The following ATP10B variants were observed in gnomAD, a reference collection of about 807,000 sequenced individuals.
ATP10B encodes phospholipid-transporting ATPase VB.
In ATP10B, 122 loss-of-function variants were observed where a neutral mutation model predicts 141.2. That is an observed-to-expected ratio of 0.86 (90% confidence interval 0.75 to 1.00). The LOEUF is 1.00. ATP10B is among the 50% of genes least tolerant of loss of function. ATP10B has a pLI of 0.00. For missense variants in ATP10B, 1,876 were observed against 1,825.3 expected (o/e 1.03, Z -0.51); for synonymous variants, 685 against 692.0 (o/e 0.99, Z 0.16).
In ATP10B at chr5:160,644,065, A is replaced by G. The variant is rs1404981936; in HGVS notation, c.868+73T>C. 4 of 1,265,200 alleles carry G rather than the reference A, an allele frequency of 3.2e-6. No homozygotes were observed. The East Asian group carries it at 7.0e-5, about 22-fold the overall frequency. The allele number at this position is 1,265,200 out of a possible 1,614,324, so 78.4% of individuals were successfully genotyped here. On this transcript the variant is annotated intron_variant, in intron 9 of 25. Transcript: ENST00000327245. ...TTACTGTGAACAGTTGTTGGTTCCC[A>G]TTGACTGAAGATGGATTTGGAGGGG...
intron 1 of ATP10B, among the ~76,000 whole-genome samples, chr5:160,812,287 G>A (rs2127948622): frequency 6.6e-6 from 1 of 152,222 alleles, no homozygotes; most frequent in Non-Finnish European, 1.5e-5. Flanking sequence ...GCCTTCCCAA[G>A]GAGGATGGGT....
At chr5:160,915,739 C>T in the ATP10B span, among the ~76,000 whole-genome samples, 21 of 152,130 alleles carry the variant, frequency 1.4e-4, no homozygotes, top group Admixed American at 3.9e-4. Flanking sequence ...TTCTCTGGAG[C>T]TGTAGGGTTT....
intron 1 of ATP10B, among the ~76,000 whole-genome samples, chr5:160,848,313 T>G (rs1429832255): frequency 2.0e-5 from 3 of 152,190 alleles, no homozygotes; most frequent in African/African-American, 7.2e-5. Context: ...GGAGGCATAT[T>G]CCATTCATAA....
intron 3 of ATP10B, among the ~76,000 whole-genome samples, chr5:160,691,238 G>T (rs935255441): frequency 1.2e-4 from 18 of 152,126 alleles, no homozygotes; most frequent in South Asian, 2.1e-4. Flanking sequence ...GATAGCATTA[G>T]AAGAAATACC....
At chr5:160,693,069 A>G (rs1008067017) in intron 3 of ATP10B, among the ~76,000 whole-genome samples, 5 of 152,184 alleles carry the variant, frequency 3.3e-5, no homozygotes, top group Non-Finnish European at 7.3e-5. Flanking sequence ...GCTATTCTAT[A>G]AAACAACTGG....
At chr5:160,756,398 A>T (rs1768607897) in intron 2 of ATP10B, among the ~76,000 whole-genome samples, 1 of 152,164 alleles carries the variant, frequency 6.6e-6, no homozygotes, top group South Asian at 2.1e-4. Flanking sequence ...TTAGGAGGGC[A>T]ATGGCTTGGT....
Position 160,687,841 on chromosome 5 carries a change from G to T in ATP10B, c.234C>A (p.Leu78=). The change falls in exon 5 of 26, where the codon CTC becomes CTA. Residue 78 remains leucine, a synonymous_variant. Coordinates refer to ENST00000327245, the MANE Select transcript of ATP10B (RefSeq NM_025153.3). ...GNRTCTTKYT[L]FTFLPRNLFE... is the part of the protein sequence containing the mutation. ...AGAGATTCCGGGGCAGGAAGGTGAA[G>T]AGGGTGTATTTGGTTGTGCAGGTTC... is the stretch of plus-strand genomic sequence containing the variant. 1 of 1,614,212 alleles carries T rather than the reference G, an allele frequency of 6.2e-7. No individual in the cohort carries two copies.
chr5:160,647,007 A>C (rs911963043), intron 8 of ATP10B, among the ~76,000 whole-genome samples: 4 of 152,120 alleles, frequency 2.6e-5, no homozygotes, highest in Non-Finnish European at 5.9e-5. Context: ...TGGCAAGAAA[A>C]ATGATTCTAG....
chr5:160,856,808 A>G (rs532038635), upstream of ATP10B, among the ~76,000 whole-genome samples: 7 of 151,970 alleles, frequency 4.6e-5, no homozygotes, highest in African/African-American at 1.7e-4. Context: ...AATTTAATTA[A>G]TGCATTAATT....
intron 21 of ATP10B, 34 bp from the exon 22 acceptor site, chr5:160,599,004 C>A: frequency 6.2e-7 from 1 of 1,605,816 alleles, no homozygotes; most frequent in Non-Finnish European, 8.5e-7. Flanking sequence ...GTGAGTGGGG[C>A]TCCATGTGCA....
chr5:160,642,977 G>A (rs1386962255), intron 9 of ATP10B, among the ~76,000 whole-genome samples: 1 of 152,164 alleles, frequency 6.6e-6, no homozygotes, highest in African/African-American at 2.4e-5. Flanking sequence ...GAGAAGCAAA[G>A]CTCTAAATCT....
intron 1 of ATP10B, among the ~76,000 whole-genome samples, chr5:160,809,731 G>T (rs534766328): frequency 6.6e-6 from 1 of 152,310 alleles, no homozygotes; most frequent in African/African-American, 2.4e-5. Flanking sequence ...TGAATTGGAA[G>T]TGTTATTTCC....
the ATP10B span, among the ~76,000 whole-genome samples, chr5:160,888,552 G>A: frequency 4.3e-4 from 65 of 152,290 alleles, no homozygotes; most frequent in African/African-American, 1.5e-3. Flanking sequence ...AAGACAATCT[G>A]CTTCTTGAAT....
intron 11 of ATP10B, 69 bp from the exon 12 acceptor site, chr5:160,634,675 G>T: frequency 6.7e-7 from 1 of 1,498,712 alleles, no homozygotes; most frequent in Non-Finnish European, 8.9e-7. Flanking sequence ...CTCACTAGCA[G>T]GTAGCAAAGG....
intron 2 of ATP10B, among the ~76,000 whole-genome samples, chr5:160,778,976 C>T (rs1770531177): frequency 6.6e-6 from 1 of 152,024 alleles, no homozygotes; most frequent in African/African-American, 2.4e-5. Flanking sequence ...TTAAGAGTGA[C>T]CGTGGTAAAG....
intron 1 of ATP10B, among the ~76,000 whole-genome samples, chr5:160,789,757 G>A (rs1399685734): frequency 6.6e-6 from 1 of 152,184 alleles, no homozygotes; most frequent in African/African-American, 2.4e-5. Context: ...ATAGATAGTG[G>A]AGGTGAGACC....
At chr5:160,602,304 A>G (rs1490345032) in intron 21 of ATP10B, among the ~76,000 whole-genome samples, 7 of 152,102 alleles carry the variant, frequency 4.6e-5, no homozygotes, top group African/African-American at 1.2e-4. Flanking sequence ...GTCTGACTCC[A>G]GAGTCTACAC....
intron 24 of ATP10B, among the ~76,000 whole-genome samples, chr5:160,580,250 A>G (rs1755457314): frequency 6.6e-6 from 1 of 152,184 alleles, no homozygotes; most frequent in African/African-American, 2.4e-5. Context: ...TCGGTTTTCA[A>G]GGGGAATGTT....
chr5:160,591,184 C>T (rs777847493), intron 22 of ATP10B, 45 bp from the exon 23 acceptor site: 4 of 1,535,182 alleles, frequency 2.6e-6, no homozygotes, highest in Non-Finnish European at 3.5e-6. Flanking sequence ...TTATAGCAAG[C>T]CTCTATTCTT....
Sources: allele counts gnomAD v4.1 joint callset (sites outside exome capture counted in the v4.1 genomes callset), GRCh38; gene constraint gnomAD v4.1.1; transcripts MANE v1.5; gene names NCBI Gene and HGNC (gene_info 2026-07-23, HGNC 2026-07-21).